The following ASCC3 variants were observed in gnomAD, a reference collection of about 807,000 sequenced individuals.
ASCC3 encodes activating signal cointegrator 1 complex subunit 3.
Under a neutral mutation model 256.3 loss-of-function variants are expected in ASCC3, and 158 were observed. That is an observed-to-expected ratio of 0.62 (90% CI 0.54 to 0.70). ASCC3 has a LOEUF of 0.70. Ranked by LOEUF, ASCC3 falls within the 30% of genes least tolerant of loss-of-function variation. The probability of loss-of-function intolerance (pLI) is 0.00; values close to 1 mark genes in which losing one functional copy is unlikely to be tolerated. For synonymous variants in ASCC3, 948 were observed against 883.4 expected (o/e 1.07, Z -1.30); for missense variants, 2,259 against 2,626.0 (o/e 0.86, Z 3.05).
At chr6:100,706,138 CAG>C (rs1237800994) in intron 13 of ASCC3, among the ~76,000 whole-genome samples, 2 of 151,576 alleles carry the variant, frequency 1.3e-5, no homozygotes, top group African/African-American at 4.8e-5. Flanking sequence ...TCTCAGTCAT[CAG>C]AGTTAGAATA....
rs76973876 is a variant in ASCC3, at chr6:100,736,583, T to C, written c.1738-10880A>G. On this transcript the variant is annotated intron_variant, in intron 10 of 41. Transcript: ENST00000369162. ...GAAATGTTCTCCTCCCTAATCTGCT[T>C]GTATACACTTAACCACACTGAAAAC... is the stretch of plus-strand genomic sequence containing the variant. 2.0e-5 allele frequency among the ~76,000 whole-genome samples: 3 copies of C among 152,312 alleles called. No homozygotes were observed. In the East Asian group the frequency reaches 5.8e-4, roughly 29 times the overall value.
chr6:100,608,146 C>CTATATATACATATATATG (rs1773068769), intron 30 of ASCC3, among the ~76,000 whole-genome samples: 2 of 41,092 alleles, frequency 4.9e-5, no homozygotes, highest in Non-Finnish European at 1.0e-4. Context: ...GTATATATAT[C>CTATATATACATATATATG]TATATATACA....
chr6:100,675,952 A>G (rs756966919), intron 14 of ASCC3, among the ~76,000 whole-genome samples: 1 of 152,176 alleles, frequency 6.6e-6, no homozygotes, highest in Non-Finnish European at 1.5e-5. Flanking sequence ...CTTAAAATTA[A>G]AATCACAGTG....
At chr6:100,866,824 T>C (rs1773503856) in intron 2 of ASCC3, among the ~76,000 whole-genome samples, 1 of 152,198 alleles carries the variant, frequency 6.6e-6, no homozygotes, top group African/African-American at 2.4e-5. Context: ...ATCTTTGTTG[T>C]TTAAGCCACC....
intron 10 of ASCC3, among the ~76,000 whole-genome samples, chr6:100,730,035 T>C (rs1441559724): frequency 6.6e-6 from 1 of 152,076 alleles, no homozygotes; most frequent in Non-Finnish European, 1.5e-5. Context: ...CTGTGTGCAG[T>C]GGCTCACACC....
chr6:100,599,136 T>C (rs931594757), intron 34 of ASCC3, among the ~76,000 whole-genome samples: 1 of 152,174 alleles, frequency 6.6e-6, no homozygotes, highest in Admixed American at 6.6e-5. Flanking sequence ...TGTAACTTGA[T>C]AGACAGCAGA....
rs1216396817 is a variant in ASCC3 at position 100,509,329 on chromosome 6, A to G, written c.*57T>C. ...ACATCAAGTAATTCGATTTGTCTAG[A>G]TGACTGAACAGAGAGAATTCTTAGC... On this transcript the variant is annotated 3_prime_UTR_variant, in exon 42 of 42. Transcript: ENST00000369162. 2 of 1,603,650 alleles carry G rather than the reference A, an allele frequency of 1.2e-6. No individual in the cohort carries two copies. The highest frequency in any genetic ancestry group is 1.7e-6 in the Non-Finnish European group (2 of 1,170,880).
intron 10 of ASCC3, among the ~76,000 whole-genome samples, chr6:100,734,873 T>C (rs1780074197): frequency 6.6e-6 from 1 of 152,176 alleles, no homozygotes; most frequent in South Asian, 2.1e-4. Context: ...ATGCTAGAAA[T>C]GATGTAACAG....
At chr6:100,829,843 AATAATAT>A (rs1198808208) in intron 4 of ASCC3, among the ~76,000 whole-genome samples, 3 of 152,168 alleles carry the variant, frequency 2.0e-5, no homozygotes, top group Non-Finnish European at 4.4e-5. Flanking sequence ...GAATAATTAT[AATAATAT>A]GGCAGCACCA....
intron 1 of ASCC3, among the ~76,000 whole-genome samples, chr6:100,878,322 T>C (rs939713454): frequency 1.3e-5 from 2 of 152,196 alleles, no homozygotes; most frequent in Admixed American, 1.3e-4. Context: ...AGGTTTCCCA[T>C]TCAAAGGTGG....
intron 37 of ASCC3, among the ~76,000 whole-genome samples, chr6:100,537,415 A>C (rs1468289706): frequency 6.6e-6 from 1 of 152,158 alleles, no homozygotes; most frequent in Non-Finnish European, 1.5e-5. Flanking sequence ...ATGACAACTA[A>C]ATGAAACGTG....
chr6:100,725,866 T>G (rs1243729520), intron 10 of ASCC3, among the ~76,000 whole-genome samples, 163 bp from the exon 11 acceptor site: 2 of 151,916 alleles, frequency 1.3e-5, no homozygotes, highest in Non-Finnish European at 2.9e-5. Context: ...CAACAGTCAT[T>G]TCAAGAAGAA....
intron 1 of ASCC3, among the ~76,000 whole-genome samples, chr6:100,880,120 C>T (rs1284651213): frequency 1.3e-5 from 2 of 152,070 alleles, no homozygotes; most frequent in African/African-American, 4.8e-5. Context: ...ATTAATTTCT[C>T]ATATAAATAG....
chr6:100,755,645 C>T (rs191407973), intron 10 of ASCC3, among the ~76,000 whole-genome samples: 3 of 152,146 alleles, frequency 2.0e-5, no homozygotes, highest in Non-Finnish European at 2.9e-5. Flanking sequence ...GCTACACACA[C>T]ACACACAAAC....
At chr6:100,545,769 T>A (rs1483077140) in intron 36 of ASCC3, among the ~76,000 whole-genome samples, 1 of 152,126 alleles carries the variant, frequency 6.6e-6, no homozygotes, top group Non-Finnish European at 1.5e-5. Flanking sequence ...TTTTGTAGAC[T>A]TGGGATCTTA....
chr6:100,558,015 T>G (rs1243372937), intron 36 of ASCC3, among the ~76,000 whole-genome samples: 1 of 151,714 alleles, frequency 6.6e-6, no homozygotes, highest in East Asian at 1.9e-4. Flanking sequence ...TCAAGTATAC[T>G]TTATTGTCTC....
chr6:100,547,681 A>G (rs1769050544), intron 36 of ASCC3, among the ~76,000 whole-genome samples: 1 of 152,074 alleles, frequency 6.6e-6, no homozygotes, highest in Admixed American at 6.5e-5. Flanking sequence ...AATTTCATGC[A>G]TAGCTGGTGG....
intron 10 of ASCC3, among the ~76,000 whole-genome samples, chr6:100,752,868 AGAGT>A (rs1032345640): frequency 3.9e-5 from 6 of 152,328 alleles, no homozygotes; most frequent in African/African-American, 1.2e-4. Flanking sequence ...GAAAAATATG[AGAGT>A]AAGTATGAAA....
At chr6:100,874,115 A>G (rs563838963) in intron 1 of ASCC3, among the ~76,000 whole-genome samples, 2 of 152,256 alleles carry the variant, frequency 1.3e-5, no homozygotes, top group African/African-American at 4.8e-5. Flanking sequence ...AGTTTCTCCT[A>G]TCTACTAGGA....
Sources: gnomAD v4.1 joint callset for allele counts (sites outside exome capture counted in the v4.1 genomes callset) on GRCh38, gnomAD v4.1.1 for gene constraint, MANE v1.5 for transcripts, NCBI Gene and HGNC (gene_info 2026-07-23, HGNC 2026-07-21) for gene names.